CCDC180: variants seen among roughly 807,000 people sequenced by gnomAD.
CCDC180 encodes coiled-coil domain containing 180.
CCDC180 carries 154 observed loss-of-function variants against 209.2 expected under a neutral mutation model. The ratio of observed to expected loss-of-function variants is 0.74; its 90% CI spans 0.65 to 0.84. CCDC180 has a LOEUF of 0.84. Ranked by LOEUF, CCDC180 falls within the 40% of genes least tolerant of loss-of-function variation. The pLI, the probability that CCDC180 is intolerant of heterozygous loss-of-function variation, is 0.00. For synonymous variants in CCDC180, 778 were observed against 749.1 expected (o/e 1.04, Z -0.63); for missense variants, 1,874 against 1,997.3 (o/e 0.94, Z 1.18).
At chr9:97,350,582 C>A in intron 22 of CCDC180, 27 bp downstream of exon 22, 1 of 1,534,664 alleles carries the variant, frequency 6.5e-7, no homozygotes, top group East Asian at 2.4e-5. Context: ...AGGGCCTCTT[C>A]AGGCCACCTG....
chr9:97,356,613 C>T (rs1489519913), intron 24 of CCDC180, among the ~76,000 whole-genome samples: 1 of 152,178 alleles, frequency 6.6e-6, no homozygotes, highest in African/African-American at 2.4e-5. Context: ...GCAGAGCCCA[C>T]GGCTCCAGGG....
chr9:97,371,040 T>C (rs1185753483), intron 33 of CCDC180: 1 of 192,514 alleles, frequency 5.2e-6, no homozygotes, highest in Non-Finnish European at 9.6e-6. Context: ...CTCGGCTCAC[T>C]GCAAGCTCCG....
chr9:97,375,766 C>T (rs1440084138), intron 36 of CCDC180, 177 bp downstream of exon 36: 11 of 716,132 alleles, frequency 1.5e-5, no homozygotes, highest in African/African-American at 3.6e-5. Flanking sequence ...TTCACAGGCA[C>T]GAGGACATTA....
At chr9:97,368,590 G>A (rs1284280897) in intron 31 of CCDC180, among the ~76,000 whole-genome samples, 1 of 152,208 alleles carries the variant, frequency 6.6e-6, no homozygotes, top group Non-Finnish European at 1.5e-5. Context: ...GCCAGTCCCT[G>A]TGTGGTTTCT....
Position 97,318,574 on chromosome 9 carries a change from C to A in CCDC180, c.1071C>A (p.Cys357Ter), listed in dbSNP as rs571578244. The A allele has an allele frequency of 1.1e-5, 17 of 1,612,630 alleles. No homozygotes were observed. The highest frequency in any genetic ancestry group is 1.2e-5 in the Non-Finnish European group (14 of 1,179,730). ...VLQQRRLKHLCTICDLLPPSY... is the reference protein window; with the variant it reads ...VLQQRRLKHL The stretch of plus-strand genomic sequence containing the variant: ...AGCAAAGGCGGCTGAAGCATCTCTG[C>A]ACCATCTGGTATGGGCAGGAGGGGC... The change falls in exon 10 of 37, where the codon TGC becomes TGA. Residue 357 changes from cysteine (C) to a stop codon, truncating the protein, a stop_gained. Transcript: ENST00000529487. LOFTEE classifies it high-confidence loss of function.
Position 97,317,134 on chromosome 9 carries a change from A to G in CCDC180, c.865A>G (p.Thr289Ala), listed in dbSNP as rs1264810930. ...AQLFVNLMES[T>A]LQQELDSRHR... ...GCTGTTTGTCAACCTGATGGAGTCCACCCTGCAGCAGGAGCTGGACAGCCG... is the reference window on the plus strand; with the variant it reads ...GCTGTTTGTCAACCTGATGGAGTCCGCCCTGCAGCAGGAGCTGGACAGCCG... The change falls in exon 9 of 37, where the codon ACC becomes GCC. Residue 289 changes from threonine to alanine, a missense_variant. Physicochemically the swap from Thr to Ala is moderately conservative, Grantham distance 58. Transcript: ENST00000529487. 1 of 1,613,102 alleles carries G rather than the reference A, an allele frequency of 6.2e-7. No homozygotes were observed. Among genetic ancestry groups the G allele is most frequent in the African/African-American group, 1.3e-5 (1 of 74,890 alleles).
intron 20 of CCDC180, 31 bp from the exon 21 acceptor site, chr9:97,349,080 C>T (rs1342790052): frequency 1.7e-5 from 26 of 1,523,382 alleles, no homozygotes; most frequent in Middle Eastern, 1.9e-4. Context: ...ATCGGGTCCC[C>T]GGGGCCCCAG....
intron 22 of CCDC180, among the ~76,000 whole-genome samples, chr9:97,351,576 TG>T (rs2118825333): frequency 6.6e-6 from 1 of 152,354 alleles, no homozygotes; most frequent in South Asian, 2.1e-4. Context: ...ACAAATCTTT[TG>T]ATCATTAGAG....
At chr9:97,347,692 A>AT (rs1170106974) in intron 20 of CCDC180, 54 of 527,250 alleles carry the variant, frequency 1.0e-4, no homozygotes, top group East Asian at 4.2e-4. Context: ...CTTCTGTGAG[A>AT]TTTTTTTCTC....
chr9:97,309,419 G>C lies in CCDC180; in HGVS notation c.75G>C (p.Gln25His). 1 of 1,598,584 alleles carries C rather than the reference G, an allele frequency of 6.3e-7. No homozygotes were observed. The highest frequency in any genetic ancestry group is 1.1e-5 in the South Asian group (1 of 88,514). Residue 25 changes from glutamine to histidine, a missense_variant, in exon 3 of 37, where the codon CAG (glutamine) becomes CAC (histidine). Coordinates refer to ENST00000529487, the MANE Select transcript of CCDC180 (RefSeq NM_020893.6). Reference protein sequence around the residue: ...AYQQIFQAEVQLVHSLAATRK... With the variant: ...AYQQIFQAEVHLVHSLAATRK... ...TTGGTCCTCCCTGGATTCAGGTGCA[G>C]CTGGTCCACTCCCTGGCGGCCACCA...
chr9:97,366,731 A>G lies in CCDC180; in HGVS notation c.4189+31A>G, dbSNP rs777951773. ...TATAGGCAGCAGGAAGGCACGGGGA[A>G]CAGGGCGGGGCGCGAAGCCAGTGGT... is the stretch of plus-strand genomic sequence containing the variant. On this transcript the variant is annotated intron_variant, in intron 31 of 36. Coordinates refer to ENST00000529487, the MANE Select transcript of CCDC180 (RefSeq NM_020893.6). The surrounding 1 kb of genome is among the most constrained non-coding windows in gnomAD (Gnocchi z 4.3). 6 of 1,611,740 alleles carry G rather than the reference A, an allele frequency of 3.7e-6. No homozygotes were observed. The South Asian group carries it at 5.5e-5, about 15-fold the overall frequency.
At chr9:97,347,551 C>T in intron 20 of CCDC180, 62 bp downstream of exon 20, 1 of 1,466,250 alleles carries the variant, frequency 6.8e-7, no homozygotes, top group Non-Finnish European at 9.1e-7. Flanking sequence ...GTCTGCTCCA[C>T]CGCGGCTCCA....
chr9:97,333,273 T>G (rs1825801469), intron 18 of CCDC180, among the ~76,000 whole-genome samples: 2 of 152,176 alleles, frequency 1.3e-5, no homozygotes. Context: ...CTTGCTAGTA[T>G]TTTGTTAAGG....
intron 14 of CCDC180, among the ~76,000 whole-genome samples, chr9:97,325,955 A>G (rs891807542): frequency 6.6e-6 from 1 of 152,162 alleles, no homozygotes; most frequent in South Asian, 2.1e-4. Flanking sequence ...TCCCAAGGTG[A>G]GTGGGGGGAA....
chr9:97,323,394 A>G (rs904478444), intron 12 of CCDC180, among the ~76,000 whole-genome samples: 2 of 152,180 alleles, frequency 1.3e-5, no homozygotes, highest in African/African-American at 2.4e-5. Context: ...TGCCCACTGC[A>G]TAACAGAGTG....
rs1292061308 is a variant in CCDC180, at chr9:97,378,289, A to C, written c.*1395A>C. 6.6e-6 allele frequency: 1 copy of C among 152,228 alleles called. No homozygotes were observed. Among genetic ancestry groups the C allele is most frequent in the African/African-American group, 2.4e-5 (1 of 41,454 alleles). The allele number at this position is 152,228 out of a possible 1,614,324, so 9.4% of individuals were successfully genotyped here. A position where few individuals can be genotyped will look rare whatever the true frequency, so the allele number is the denominator to read the frequency against. ...TATGTGAGTTATTTTTATAAAATGG[A>C]ATCATAACATGCATTAGGTTCCATA... On this transcript the variant is annotated 3_prime_UTR_variant, in exon 37 of 37. Coordinates refer to ENST00000529487, the MANE Select transcript of CCDC180 (RefSeq NM_020893.6).
chr9:97,372,802 C>CT (rs1188249896), intron 34 of CCDC180: 2 of 152,314 alleles, frequency 1.3e-5, no homozygotes, highest in East Asian at 3.9e-4. Context: ...TTGCTTAAGT[C>CT]TTTAAGTCGA....
intron 18 of CCDC180, among the ~76,000 whole-genome samples, chr9:97,337,473 T>C (rs972995192): frequency 1.3e-5 from 2 of 152,204 alleles, no homozygotes; most frequent in African/African-American, 4.8e-5. Context: ...GTTTATTGAT[T>C]TGCGTATGTT....
intron 30 of CCDC180, among the ~76,000 whole-genome samples, chr9:97,365,983 T>A (rs1826909138): frequency 6.6e-6 from 1 of 152,236 alleles, no homozygotes; most frequent in Non-Finnish European, 1.5e-5. Flanking sequence ...GTACTGTGTG[T>A]GCCAAGAGGA....
Sources: allele counts gnomAD v4.1 joint callset (sites outside exome capture counted in the v4.1 genomes callset), GRCh38; gene constraint gnomAD v4.1.1; non-coding constraint Gnocchi (gnomAD v3.1); transcripts MANE v1.5; gene names NCBI Gene and HGNC (gene_info 2026-07-23, HGNC 2026-07-21).